ASIC2: variants seen among roughly 807,000 people sequenced by gnomAD.
ASIC2 encodes acid-sensing ion channel 2.
ASIC2 carries 25 observed loss-of-function variants against 57.3 expected under a neutral mutation model. The ratio of observed to expected loss-of-function variants is 0.44; its 90% confidence interval spans 0.32 to 0.61. The LOEUF (loss-of-function observed/expected upper bound fraction) is 0.61. Ranked by LOEUF, ASIC2 falls within the 20% of genes least tolerant of loss-of-function variation. The pLI, the probability that ASIC2 is intolerant of heterozygous loss-of-function variation, is 0.06. For synonymous variants in ASIC2, 319 were observed against 307.5 expected, an observed-to-expected ratio of 1.04 and a Z score of -0.39; for missense variants, 641 against 738.1, an observed-to-expected ratio of 0.87 and a Z score of 1.52.
chr17:34,097,360 G>C (rs752123226), intron 1 of ASIC2, among the ~76,000 whole-genome samples: 1 of 152,106 alleles, frequency 6.6e-6, no homozygotes, highest in African/African-American at 2.4e-5. Context: ...AGGAGTGGAG[G>C]GGGTGGGAGA....
intron 1 of ASIC2, among the ~76,000 whole-genome samples, chr17:33,486,926 A>G (rs1274243522): frequency 1.3e-5 from 2 of 152,204 alleles, no homozygotes; most frequent in African/African-American, 4.8e-5. Context: ...CAGGGTGGAG[A>G]TGCGCAGCAC....
At chr17:33,475,411 A>G (rs1194890608) in intron 1 of ASIC2, among the ~76,000 whole-genome samples, 1 of 152,150 alleles carries the variant, frequency 6.6e-6, no homozygotes, top group African/African-American at 2.4e-5. Context: ...TGTGTTTTTT[A>G]CACTTTTCCT....
At chr17:33,340,001 C>T (rs1907664789) in intron 1 of ASIC2, among the ~76,000 whole-genome samples, 1 of 152,152 alleles carries the variant, frequency 6.6e-6, no homozygotes, top group Non-Finnish European at 1.5e-5. Context: ...TTACAGGTAA[C>T]ACTCAGAGTT....
chr17:33,229,212 G>A (rs535935974), intron 1 of ASIC2, among the ~76,000 whole-genome samples: 25 of 152,220 alleles, frequency 1.6e-4, no homozygotes, highest in African/African-American at 5.8e-4. Context: ...TAGGAAATGC[G>A]GGGGGAAAGT....
At chr17:33,780,733 C>A (rs752147065) in intron 1 of ASIC2, among the ~76,000 whole-genome samples, 2 of 152,202 alleles carry the variant, frequency 1.3e-5, no homozygotes, top group Non-Finnish European at 2.9e-5. Context: ...AGCTCAGGTT[C>A]TGCTCCCAGG....
intron 1 of ASIC2, among the ~76,000 whole-genome samples, chr17:33,225,770 T>C (rs1907855942): frequency 6.6e-6 from 1 of 152,144 alleles, no homozygotes; most frequent in South Asian, 2.1e-4. Context: ...CTGGCCATAG[T>C]CTTTGGTCTC....
chr17:33,914,219 G>T (rs1017685387), intron 1 of ASIC2, among the ~76,000 whole-genome samples: 20 of 152,296 alleles, frequency 1.3e-4, no homozygotes, highest in Admixed American at 2.6e-4. Context: ...GTCCATTGTG[G>T]GCTGGGCAGG....
intron 1 of ASIC2, among the ~76,000 whole-genome samples, chr17:33,242,415 C>T (rs1310013443): frequency 6.6e-6 from 1 of 152,110 alleles, no homozygotes; most frequent in East Asian, 1.9e-4. Flanking sequence ...TGTTTTATAG[C>T]CCAGCACTAT....
intron 1 of ASIC2, among the ~76,000 whole-genome samples, chr17:33,986,252 G>A (rs1259917112): frequency 6.6e-6 from 1 of 150,914 alleles, no homozygotes; most frequent in Non-Finnish European, 1.5e-5. Flanking sequence ...CAGTACCTGT[G>A]CTATACTAGA....
intron 1 of ASIC2, among the ~76,000 whole-genome samples, chr17:33,488,364 CCAA>C (rs1450941697): frequency 6.6e-6 from 1 of 152,186 alleles, no homozygotes; most frequent in African/African-American, 2.4e-5. Context: ...TGCTGGCCGA[CCAA>C]CATTACAAAA....
At chr17:33,767,420 G>A (rs1337949239) in intron 1 of ASIC2, among the ~76,000 whole-genome samples, 1 of 152,216 alleles carries the variant, frequency 6.6e-6, no homozygotes, top group Non-Finnish European at 1.5e-5. Flanking sequence ...GTATAAATTA[G>A]TGAGTGTAGA....
intron 1 of ASIC2, among the ~76,000 whole-genome samples, chr17:33,334,267 A>G (rs537568887): frequency 2.0e-5 from 3 of 152,308 alleles, no homozygotes; most frequent in African/African-American, 7.2e-5. Context: ...GTGCTAATGT[A>G]CCCATTTCAT....
intron 1 of ASIC2, among the ~76,000 whole-genome samples, chr17:33,995,962 C>G (rs1049470653): frequency 6.6e-6 from 1 of 152,192 alleles, no homozygotes; most frequent in Non-Finnish European, 1.5e-5. Context: ...TACATTCCCA[C>G]CAACAGCGTA....
intron 1 of ASIC2, among the ~76,000 whole-genome samples, chr17:33,244,259 A>C (rs1354896537): frequency 6.6e-6 from 1 of 152,180 alleles, no homozygotes; most frequent in Non-Finnish European, 1.5e-5. Context: ...TTTGGAGACA[A>C]CTGTGTATTT....
At position 34,062,040 on chromosome 17, in the gene ASIC2, G is replaced by A. The variant is rs539770448; in HGVS notation, c.555+93938C>T. Among the ~76,000 whole-genome samples, 345 of 152,112 alleles carry A rather than the reference G, an allele frequency of 2.3e-3. 2 individuals carry two copies. Among genetic ancestry groups the A allele is most frequent in the African/African-American group, 7.8e-3 (324 of 41,508 alleles). The stretch of plus-strand genomic sequence containing the variant: ...GAACAAATGGACTTAGATATGTACC[G>A]AACATTTCATCCAACAACCATAGAA... On this transcript the variant is annotated intron_variant, in intron 1 of 9. Coordinates refer to the ASIC2 transcript ENST00000359872.
At chr17:33,545,385 G>GGA (rs1915546375) in intron 1 of ASIC2, among the ~76,000 whole-genome samples, 3 of 152,100 alleles carry the variant, frequency 2.0e-5, no homozygotes, top group Admixed American at 2.0e-4. Flanking sequence ...TTCATTTGTA[G>GGA]GAGACAGTCT....
At chr17:33,212,873 G>A (rs570059658) in intron 1 of ASIC2, among the ~76,000 whole-genome samples, 4 of 152,192 alleles carry the variant, frequency 2.6e-5, no homozygotes, top group Admixed American at 6.5e-5. Context: ...GAGTGATAGA[G>A]GCCAGCACAG....
intron 1 of ASIC2, among the ~76,000 whole-genome samples, chr17:33,150,176 A>G (rs150238353): frequency 6.6e-6 from 1 of 152,338 alleles, no homozygotes; most frequent in Admixed American, 6.5e-5. Context: ...ACCTTATTAA[A>G]GTTCAATTAT....
intron 1 of ASIC2, among the ~76,000 whole-genome samples, chr17:33,160,172 G>C (rs894288570): frequency 6.6e-6 from 1 of 151,216 alleles, no homozygotes; most frequent in African/African-American, 2.4e-5. Flanking sequence ...TCGCACCACT[G>C]CTCTCCAGCC....
Sources: allele counts gnomAD v4.1 joint callset (sites outside exome capture counted in the v4.1 genomes callset), GRCh38; gene constraint gnomAD v4.1.1; transcripts MANE v1.5; gene names NCBI Gene and HGNC (gene_info 2026-07-23, HGNC 2026-07-21).